Variants in PHC2 observed in about 807,000 individuals in gnomAD.
PHC2 encodes polyhomeotic homolog 2.
Under a neutral mutation model 87.4 loss-of-function variants are expected in PHC2, and 29 were observed. That is an observed-to-expected ratio of 0.33 (90% CI 0.25 to 0.45). The LOEUF (loss-of-function observed/expected upper bound fraction) is 0.45. Among genes scored for constraint, PHC2 ranks in the 20% least tolerant of loss-of-function variants. The probability of loss-of-function intolerance (pLI) is 1.00; values close to 1 mark genes in which losing one functional copy is unlikely to be tolerated. For synonymous variants in PHC2, 438 were observed against 461.7 expected, an observed-to-expected ratio of 0.95 and a Z score of 0.66; for missense variants, 857 against 1,136.7, an observed-to-expected ratio of 0.75 and a Z score of 3.54.
Position 33,355,100 on chromosome 1 carries a change from T to C in PHC2, c.1130A>G (p.Gln377Arg). The C allele has an allele frequency of 6.2e-7, 1 of 1,611,230 alleles. No homozygotes were observed. The highest frequency in any genetic ancestry group is 8.5e-7 in the Non-Finnish European group (1 of 1,178,940). Residue 377 changes from glutamine to arginine, a missense_variant, in exon 8 of 15, where the codon CAG becomes CGG. Transcript: ENST00000683057. ...CACGCTTGGAGAGACTGAGGCGAGC[T>C]GGGGGTGGGGCTCAGCTTGGAGCAC... is the stretch of plus-strand genomic sequence containing the variant. ...RPVLQAEPHP[Q>R]LASVSPSVAL... is the part of the protein sequence containing the mutation.
chr1:33,418,087 A>C lies in PHC2; in HGVS notation c.-55+12889T>G, dbSNP rs539622562. Reference sequence around the variant, plus strand: ...TAGGATATAGCTAAAGTAGTACTTAAAGGAAATTTTACAGCATTAAAACAC... The same window carrying C: ...TAGGATATAGCTAAAGTAGTACTTACAGGAAATTTTACAGCATTAAAACAC... On this transcript the variant is annotated intron_variant, in intron 1 of 14. Transcript: ENST00000683057. Among the ~76,000 whole-genome samples the C allele has an allele frequency of 2.0e-5, 3 of 152,290 alleles. No individual in the cohort carries two copies. In the East Asian group the frequency reaches 5.8e-4, roughly 29 times the overall value.
intron 10 of PHC2, 115 bp downstream of exon 10, chr1:33,333,975 C>A: frequency 2.2e-6 from 2 of 904,956 alleles, no homozygotes. Context: ...AGGAAGTTAG[C>A]AAGGAAAGAG....
At chr1:33,418,599 T>TA (rs1650301960) in intron 1 of PHC2, among the ~76,000 whole-genome samples, 1 of 152,172 alleles carries the variant, frequency 6.6e-6, no homozygotes, top group African/African-American at 2.4e-5. Flanking sequence ...ATTCTTGGCT[T>TA]AAAATCTATT....
chr1:33,328,876 G>C lies in PHC2; in HGVS notation c.2419C>G (p.Leu807Val). 1 of 1,604,516 alleles carries C rather than the reference G, an allele frequency of 6.2e-7. No individual in the cohort carries two copies. The highest frequency in any genetic ancestry group is 1.1e-5 in the South Asian group (1 of 90,936). ...VEDVYEFIRS[L>V]PGCQEIAEEF... ...GAATTTCCAAGGGCCTTACCTGGCAGAGAGCGGATGAATTCGTAGACGTCT... is the reference window on the plus strand; with the variant it reads ...GAATTTCCAAGGGCCTTACCTGGCACAGAGCGGATGAATTCGTAGACGTCT... Residue 807 changes from leucine to valine, a missense_variant, in exon 14 of 15, where the codon CTG (leucine) becomes GTG (valine). Physicochemically the swap from Leu to Val is conservative, Grantham distance 32. Coordinates refer to ENST00000683057, the MANE Select transcript of PHC2 (RefSeq NM_001385109.1).
chr1:33,361,076 G>A (rs114026676), intron 7 of PHC2, among the ~76,000 whole-genome samples: 248 of 152,330 alleles, frequency 1.6e-3, no homozygotes, highest in Non-Finnish European at 2.7e-3. Flanking sequence ...GAGGCAGGGA[G>A]GAAAAGGGCA....
intron 9 of PHC2, 35 bp downstream of exon 9, chr1:33,354,366 C>T: frequency 1.3e-6 from 2 of 1,576,632 alleles, no homozygotes; most frequent in Non-Finnish European, 1.7e-6. Context: ...AGGCCAACTT[C>T]CTCCCCTCCC....
At chr1:33,388,680 A>T (rs1436219020) in intron 1 of PHC2, among the ~76,000 whole-genome samples, 5 of 152,198 alleles carry the variant, frequency 3.3e-5, no homozygotes, top group African/African-American at 9.7e-5. Context: ...GCACCTAAAA[A>T]ATACGTAGAA....
At chr1:33,338,412 T>C (rs1004155614) in intron 9 of PHC2, among the ~76,000 whole-genome samples, 1 of 152,184 alleles carries the variant, frequency 6.6e-6, no homozygotes, top group Non-Finnish European at 1.5e-5. Context: ...AAGGGACAGA[T>C]GGGAGAGTGT....
At chr1:33,360,057 A>G (rs1177559628) in intron 7 of PHC2, among the ~76,000 whole-genome samples, 1 of 152,226 alleles carries the variant, frequency 6.6e-6, no homozygotes, top group Non-Finnish European at 1.5e-5. Flanking sequence ...TAGACAAGGA[A>G]GCTCCTTTTA....
intron 7 of PHC2, chr1:33,359,032 C>T (rs1647145771): frequency 1.3e-5 from 2 of 152,180 alleles, no homozygotes; most frequent in African/African-American, 4.8e-5. Context: ...GAGTGAGTTA[C>T]CTGACCTCTC....
chr1:33,345,479 C>T (rs1646828822), intron 9 of PHC2: 9 of 870,862 alleles, frequency 1.0e-5, no homozygotes, highest in Non-Finnish European at 1.2e-5. Flanking sequence ...TTTTCACTAA[C>T]TATAAAAATA....
chr1:33,330,992 G>A (rs1158881797), intron 12 of PHC2, among the ~76,000 whole-genome samples: 1 of 152,150 alleles, frequency 6.6e-6, no homozygotes, highest in Non-Finnish European at 1.5e-5. Flanking sequence ...TCTATGCTGG[G>A]CGAGAGCTCA....
In PHC2 at chr1:33,355,145, GGCGGCTGCTGCTGTTGTGGCT is replaced by G. The variant is rs1557830255; in HGVS notation, c.1064_1084del (p.Gln355_Pro361del). 6.2e-7 allele frequency: 1 copy of G among 1,611,062 alleles called. No homozygotes were observed. Among genetic ancestry groups the G allele is most frequent in the Non-Finnish European group, 8.5e-7 (1 of 1,179,042 alleles). ...GAGCACAGGCCGTGACTGCTGGGGC[GGCGGCTGCTGCTGTTGTGGCT>G]GTGGCTGCTGCTGGATCACAAATTG... is the stretch of plus-strand genomic sequence containing the variant. On this transcript the variant is annotated inframe_deletion, in exon 8 of 15. Coordinates refer to ENST00000683057, the MANE Select transcript of PHC2 (RefSeq NM_001385109.1).
intron 1 of PHC2, among the ~76,000 whole-genome samples, chr1:33,420,111 T>G (rs866952124): frequency 2.6e-5 from 4 of 152,254 alleles, no homozygotes; most frequent in Non-Finnish European, 4.4e-5. Flanking sequence ...AAGGCTGATG[T>G]GGTGTGGAAA....
intron 9 of PHC2, among the ~76,000 whole-genome samples, chr1:33,337,090 T>C (rs1276168703): frequency 6.6e-6 from 1 of 152,218 alleles, no homozygotes; most frequent in East Asian, 1.9e-4. Context: ...AAAGCTAAAA[T>C]TTTGTTTTTT....
Position 33,349,688 on chromosome 1 carries a change from C to G in PHC2, c.1558+4713G>C, listed in dbSNP as rs1646922464. ...GCGCGGGGTCCCGGGCCCGGGCGGG[C>G]CGCCTCCTCTCCGCCGGGAGCCTCC... On this transcript the variant is annotated intron_variant, in intron 9 of 14. Transcript: ENST00000683057. The surrounding 1 kb of genome is among the most constrained non-coding windows in gnomAD (Gnocchi z 4.2). The G allele has an allele frequency of 9.1e-6, 9 of 986,718 alleles. No homozygotes were observed. The highest frequency in any genetic ancestry group is 9.6e-6 in the Non-Finnish European group (8 of 831,982). 61.1% of individuals were successfully genotyped at this position (986,718 alleles called of 1,614,324 possible).
chr1:33,361,923 C>T (rs1429727818), intron 7 of PHC2, among the ~76,000 whole-genome samples: 2 of 152,300 alleles, frequency 1.3e-5, no homozygotes, highest in African/African-American at 4.8e-5. Context: ...ATATAATCAC[C>T]TCTGTTTTAC....
chr1:33,400,475 T>C (rs1649479526), intron 1 of PHC2, among the ~76,000 whole-genome samples: 1 of 152,240 alleles, frequency 6.6e-6, no homozygotes. Context: ...ACTTACTGTG[T>C]AGCAGCCAGG....
intron 1 of PHC2, among the ~76,000 whole-genome samples, chr1:33,389,400 A>G (rs1364607573): frequency 6.6e-6 from 1 of 152,232 alleles, no homozygotes; most frequent in Non-Finnish European, 1.5e-5. Flanking sequence ...AAACAGGAGT[A>G]TAACTTGAAC....
Sources: gnomAD v4.1 joint callset for allele counts (sites outside exome capture counted in the v4.1 genomes callset) on GRCh38, gnomAD v4.1.1 for gene constraint, Gnocchi (gnomAD v3.1) non-coding constraint, MANE v1.5 for transcripts, NCBI Gene and HGNC (gene_info 2026-07-23, HGNC 2026-07-21) for gene names.